Variants in RBMXL1 observed in about 807,000 individuals in gnomAD.
RBMXL1 encodes the protein RNA binding motif protein, X-linked-like-1.
A neutral mutation model predicts 29.0 loss-of-function variants in RBMXL1; 18 were observed. That is an observed-to-expected ratio of 0.62 (90% confidence interval 0.43 to 0.92). The LOEUF (loss-of-function observed/expected upper bound fraction) is 0.92. RBMXL1 is among the 40% of genes least tolerant of loss of function. RBMXL1 has a pLI of 0.00. For synonymous variants in RBMXL1, 141 were observed against 170.4 expected, an observed-to-expected ratio of 0.83 and a Z score of 1.34; for missense variants, 403 against 495.8, an observed-to-expected ratio of 0.81 and a Z score of 1.78.
At position 88,983,849 on chromosome 1, in the gene RBMXL1, G is replaced by A. The variant is rs1450698774; in HGVS notation, c.-23C>T. ...CATTTTTTTTTTTGCCGGTGAGTCG[G>A]AGGGGTGACAGTGGGTTCAAGCTCC... On this transcript the variant is annotated 5_prime_UTR_variant, in exon 3 of 3. Transcript: ENST00000652648. 3.2e-6 allele frequency: 5 copies of A among 1,565,628 alleles called. No individual in the cohort carries two copies. The South Asian group carries it at 3.3e-5, about 10-fold the overall frequency.
Position 88,983,105 on chromosome 1 carries a change from T to A in RBMXL1, c.722A>T (p.Tyr241Phe). ...GGAATGACCATAATCACGGTAAGTA[T>A]AATCTCGTGGTGGTGGTGCATAATC... ...TRDYAPPPRD[Y>F]TYRDYGHSSS... The change falls in exon 3 of 3, where the codon TAT (tyrosine) becomes TTT (phenylalanine). Residue 241 changes from tyrosine to phenylalanine, a missense_variant. Transcript: ENST00000652648. The A allele has an allele frequency of 1.9e-6, 3 of 1,612,398 alleles. No individual in the cohort carries two copies. Among genetic ancestry groups the A allele is most frequent in the Non-Finnish European group, 2.5e-6 (3 of 1,179,996 alleles).
intron 1 of RBMXL1, among the ~76,000 whole-genome samples, chr1:88,990,652 CTCTT>C (rs1677739863): frequency 6.6e-6 from 1 of 152,324 alleles, no homozygotes; most frequent in African/African-American, 2.4e-5. Flanking sequence ...GACCTAGGCT[CTCTT>C]TCCATCTCAC....
chr1:88,985,310 C>T (rs1677389369), intron 2 of RBMXL1, among the ~76,000 whole-genome samples: 1 of 152,148 alleles, frequency 6.6e-6, no homozygotes, highest in African/African-American at 2.4e-5. Context: ...AATCTCAGCT[C>T]CCCCAATCAC....
At chr1:88,988,130 G>A in intron 2 of RBMXL1, 122 bp downstream of exon 2, 1 of 627,928 alleles carries the variant, frequency 1.6e-6, no homozygotes, top group Non-Finnish European at 2.8e-6. Context: ...GACACCTTCA[G>A]CATATGTAAT....
intron 2 of RBMXL1, among the ~76,000 whole-genome samples, chr1:88,986,154 C>T (rs1480874681): frequency 6.7e-6 from 1 of 150,058 alleles, no homozygotes; most frequent in African/African-American, 2.5e-5. Context: ...GCACTCCAGC[C>T]TGGGCGGCAA....
chr1:88,989,897 C>T (rs1171044469), intron 1 of RBMXL1, among the ~76,000 whole-genome samples: 1 of 152,174 alleles, frequency 6.6e-6, no homozygotes, highest in Non-Finnish European at 1.5e-5. Flanking sequence ...GAAAGTCCCA[C>T]GGGATATTGG....
intron 1 of RBMXL1, among the ~76,000 whole-genome samples, chr1:88,988,553 C>T (rs1326991853): frequency 6.6e-6 from 1 of 152,116 alleles, no homozygotes; most frequent in Non-Finnish European, 1.5e-5. Context: ...ATGTATTCTT[C>T]CTACACAAAT....
Position 88,982,779 on chromosome 1 carries a change from G to A in RBMXL1, c.1048C>T (p.Pro350Ser). 6.2e-7 allele frequency: 1 copy of A among 1,613,940 alleles called. No homozygotes were observed. The change falls in exon 3 of 3, where the codon CCT becomes TCT. Residue 350 changes from proline to serine, a missense_variant. By Grantham distance (74) the Pro-to-Ser change is moderately conservative (BLOSUM62 -1). Coordinates refer to ENST00000652648, the MANE Select transcript of RBMXL1 (RefSeq NM_001162536.3). The stretch of plus-strand genomic sequence containing the variant: ...GAAGGGTACCCCCTTTCTACAGAAG[G>A]GGGAAGCCCTCTTTCTTGTCTGCCA... ...RVGRQERGLP[P>S]SVERGYPSSR...
intron 2 of RBMXL1, among the ~76,000 whole-genome samples, chr1:88,987,344 C>T (rs1323329380): frequency 6.6e-6 from 1 of 151,856 alleles, no homozygotes; most frequent in Non-Finnish European, 1.5e-5. Context: ...GTCACGGTGG[C>T]ATAAAGAGGA....
chr1:88,983,443 G>A lies in RBMXL1; in HGVS notation c.384C>T (p.His128=). 6.2e-7 allele frequency: 1 copy of A among 1,614,180 alleles called. No individual in the cohort carries two copies. The highest frequency in any genetic ancestry group is 1.1e-5 in the South Asian group (1 of 91,074). ...GTRGPPSRGG[H]MDDGGYSMNF... is the part of the protein sequence containing the mutation. ...TCATGGAATATCCACCATCATCCAT[G>A]TGTCCTCCTCGTGAAGGAGGTCCCC... Residue 128 remains histidine, a synonymous_variant, in exon 3 of 3, where the codon CAC becomes CAT. Coordinates refer to ENST00000652648, the MANE Select transcript of RBMXL1 (RefSeq NM_001162536.3).
intron 1 of RBMXL1, among the ~76,000 whole-genome samples, chr1:88,992,288 G>A (rs1677852445): frequency 1.3e-5 from 2 of 152,202 alleles, no homozygotes; most frequent in Admixed American, 1.3e-4. Flanking sequence ...TAAATTAAGA[G>A]TCCCAAAGTC....
chr1:88,984,230 T>TTTTTTTTTTTTTTG (rs1389801640), intron 2 of RBMXL1, among the ~76,000 whole-genome samples, 164 bp from the exon 3 acceptor site: 1 of 128,176 alleles, frequency 7.8e-6, no homozygotes, highest in African/African-American at 4.2e-5. Flanking sequence ...TTTTTTTTTT[T>TTTTTTTTTTTTTTG]GTAGACAGGA....
intron 1 of RBMXL1, among the ~76,000 whole-genome samples, chr1:88,989,774 T>G (rs1272990067): frequency 2.6e-5 from 4 of 152,230 alleles, no homozygotes; most frequent in African/African-American, 9.6e-5. Context: ...CTAAGTCTAC[T>G]TGTTTTCATC....
intron 1 of RBMXL1, among the ~76,000 whole-genome samples, chr1:88,990,527 GCCCTTTTTCCC>G (rs1677728959): frequency 6.6e-6 from 1 of 152,186 alleles, no homozygotes; most frequent in Non-Finnish European, 1.5e-5. Context: ...TGGCAGGCAA[GCCCTTTTTCCC>G]CTGAGAAACA....
rs1016584668 is a variant in RBMXL1, at chr1:88,979,622, G to A, written c.*3032C>T. Reference sequence around the variant, plus strand: ...TGCTTACCAGCATTAGTCACCCGGGGAAATGAAAATAAAACCACAATGAGA... The same window carrying A: ...TGCTTACCAGCATTAGTCACCCGGGAAAATGAAAATAAAACCACAATGAGA... On this transcript the variant is annotated 3_prime_UTR_variant, in exon 3 of 3. Coordinates refer to ENST00000652648, the MANE Select transcript of RBMXL1 (RefSeq NM_001162536.3). 6 of 152,152 alleles carry A rather than the reference G, an allele frequency of 3.9e-5. No homozygotes were observed. Among genetic ancestry groups the A allele is most frequent in the African/African-American group, 1.4e-4 (6 of 41,422 alleles). The allele number at this position is 152,152 out of a possible 1,614,324, so 9.4% of individuals were successfully genotyped here. A position where few individuals can be genotyped will look rare whatever the true frequency, so the allele number is the denominator to read the frequency against.
rs1677163363 is a variant in RBMXL1, at chr1:88,982,738, G to A, written c.1089C>T (p.Tyr363=). Residue 363 remains tyrosine (Y), a synonymous_variant, in exon 3 of 3, where the codon TAC becomes TAT. Transcript: ENST00000652648. ...ERGYPSSRDS[Y]SSSSRGAPRG... ...TTGGTGCTCCGCGGCTTGAACTGCT[G>A]TAGGAATCACGTGAAGAAGGGTACC... 6.2e-7 allele frequency: 1 copy of A among 1,613,964 alleles called. No individual in the cohort carries two copies. The highest frequency in any genetic ancestry group is 8.5e-7 in the Non-Finnish European group (1 of 1,179,868).
chr1:88,991,148 A>C (rs1457890795), intron 1 of RBMXL1, among the ~76,000 whole-genome samples: 9 of 152,264 alleles, frequency 5.9e-5, no homozygotes, highest in Non-Finnish European at 1.0e-4. Flanking sequence ...ATGAAGATTC[A>C]GAAAGTATGC....
Position 88,983,811 on chromosome 1 carries a change from G to T in RBMXL1, c.16C>A (p.Arg6Ser). The change falls in exon 3 of 3, where the codon CGC becomes AGC. Residue 6 changes from arginine to serine, a missense_variant. Physicochemically the swap from Arg to Ser is moderately radical, Grantham distance 110. Coordinates refer to ENST00000652648, the MANE Select transcript of RBMXL1 (RefSeq NM_001162536.3). ...CCACCAATGAAGAGCTTTCCTGGGC[G>T]ATCTGCTTCAACCATTTTTTTTTTT... The part of the protein sequence containing the change: MVEAD[R>S]PGKLFIGGLN... 1 of 1,610,926 alleles carries T rather than the reference G, an allele frequency of 6.2e-7. No homozygotes were observed. Among genetic ancestry groups the T allele is most frequent in the Non-Finnish European group, 8.5e-7 (1 of 1,179,806 alleles).
intron 2 of RBMXL1, among the ~76,000 whole-genome samples, chr1:88,988,043 T>C (rs1157552357): frequency 3.9e-5 from 6 of 152,200 alleles, no homozygotes; most frequent in African/African-American, 2.4e-5. Flanking sequence ...AATGAATATA[T>C]AATGACCAGC....
Sources: gnomAD v4.1 joint callset for allele counts (sites outside exome capture counted in the v4.1 genomes callset) on GRCh38, gnomAD v4.1.1 for gene constraint, MANE v1.5 for transcripts, NCBI Gene and HGNC (gene_info 2026-07-23, HGNC 2026-07-21) for gene names.